The following SP100 variants were observed in gnomAD, a reference collection of about 807,000 sequenced individuals.
The protein encoded by SP100 is SP100 nuclear body protein.
SP100 carries 84 observed loss-of-function variants against 130.0 expected under a neutral mutation model. The observed-to-expected ratio is 0.65, with a 90% CI of 0.54 to 0.77. The LOEUF (loss-of-function observed/expected upper bound fraction) is 0.77, where lower values mean the gene tolerates loss of function less well. SP100 is among the 30% of genes least tolerant of loss of function. The pLI is 0.00. For missense variants in SP100, 978 were observed against 1,052.2 expected, an observed-to-expected ratio of 0.93 and a Z score of 0.97; for synonymous variants, 331 against 351.7, an observed-to-expected ratio of 0.94 and a Z score of 0.66.
At chr2:230,458,106 G>A (rs1278240414) in intron 8 of SP100, among the ~76,000 whole-genome samples, 1 of 147,614 alleles carries the variant, frequency 6.8e-6, no homozygotes, top group Admixed American at 6.7e-5. Flanking sequence ...GACACTGTGG[G>A]AGGTTAGGGG....
Position 230,506,462 on chromosome 2 carries a change from T to C in SP100, c.2013+17T>C, listed in dbSNP as rs776228655. On this transcript the variant is annotated intron_variant, in intron 22 of 28. Coordinates refer to ENST00000340126, the MANE Select transcript of SP100 (RefSeq NM_001080391.2). ...CTGATGGAGGTATTCTAGTGACAGA[T>C]GGCTGAAACCAAGGATTTAGCTGTC... The C allele has an allele frequency of 3.1e-6, 5 of 1,612,296 alleles. No homozygotes were observed. The highest frequency in any genetic ancestry group is 4.2e-6 in the Non-Finnish European group (5 of 1,178,804).
At chr2:230,541,167 C>A in intron 26 of SP100, 134 bp from the exon 27 acceptor site, 1 of 1,209,758 alleles carries the variant, frequency 8.3e-7, no homozygotes, top group Non-Finnish European at 1.2e-6. Flanking sequence ...AAATCCCGGT[C>A]CAAAGAAACT....
chr2:230,445,876 GCTCA>G (rs1273409496), intron 4 of SP100, among the ~76,000 whole-genome samples: 5 of 152,140 alleles, frequency 3.3e-5, no homozygotes, highest in African/African-American at 4.8e-5. Flanking sequence ...CTGCCCTGAG[GCTCA>G]CTGTCACTGA....
rs191908573 is a variant in SP100 at position 230,499,677 on chromosome 2, T to C, written c.1720+1142T>C. Among the ~76,000 whole-genome samples the C allele has an allele frequency of 2.3e-3, 348 of 151,102 alleles. 8 individuals carry two copies. Among genetic ancestry groups the C allele is most frequent in the Admixed American group, 0.02 (299 of 15,122 alleles). ...CATCCACAAGGTCTGCACCAGACCA[T>C]GGGAATCGTGCTTCTTCATTATTCC... On this transcript the variant is annotated intron_variant, in intron 19 of 28. Coordinates refer to ENST00000340126, the MANE Select transcript of SP100 (RefSeq NM_001080391.2).
At chr2:230,537,698 C>A (rs973771250) in intron 24 of SP100, 5 of 152,222 alleles carry the variant, frequency 3.3e-5, no homozygotes, top group African/African-American at 9.6e-5. Context: ...ACCTGGGGAT[C>A]CCCCGCAACC....
intron 11 of SP100, 62 bp downstream of exon 11, chr2:230,464,212 T>G: frequency 6.9e-6 from 7 of 1,016,912 alleles, no homozygotes; most frequent in Non-Finnish European, 1.1e-5. Context: ...TCCAGAGCTC[T>G]GTTTTCTTGA....
intron 5 of SP100, among the ~76,000 whole-genome samples, chr2:230,448,012 T>C (rs1335079137): frequency 6.6e-6 from 1 of 152,224 alleles, no homozygotes; most frequent in Non-Finnish European, 1.5e-5. Context: ...TAACAGAAAG[T>C]GCTCTTTTCA....
chr2:230,517,084 T>C (rs763002416), intron 24 of SP100, among the ~76,000 whole-genome samples: 3 of 152,202 alleles, frequency 2.0e-5, no homozygotes, highest in Non-Finnish European at 4.4e-5. Context: ...TCTAGTATTA[T>C]GTATCATTTG....
chr2:230,436,949 T>TGTGTATACACACAA (rs1328115055), intron 2 of SP100, among the ~76,000 whole-genome samples: 4 of 141,196 alleles, frequency 2.8e-5, no homozygotes, highest in Non-Finnish European at 4.7e-5. Context: ...CACGCATATA[T>TGTGTATACACACAA]GTGTATACAC....
chr2:230,505,332 T>G (rs750769627), intron 21 of SP100, among the ~76,000 whole-genome samples: 2 of 152,206 alleles, frequency 1.3e-5, no homozygotes, highest in African/African-American at 4.8e-5. Context: ...GGGTGGAAAA[T>G]GTACACATCT....
intron 2 of SP100, among the ~76,000 whole-genome samples, chr2:230,441,162 G>C (rs2063453211): frequency 6.6e-6 from 1 of 152,036 alleles, no homozygotes; most frequent in South Asian, 2.1e-4. Flanking sequence ...CCAAAGACTT[G>C]AACAGACACT....
chr2:230,533,512 G>C (rs1429332016), intron 24 of SP100, among the ~76,000 whole-genome samples: 2 of 152,264 alleles, frequency 1.3e-5, no homozygotes, highest in East Asian at 3.9e-4. Flanking sequence ...AAGTTACAGG[G>C]CTTTAACTTC....
rs1214759807 is a variant in SP100 at position 230,541,971 on chromosome 2, C to A, written c.2483C>A (p.Thr828Asn). ...VKTSLNEQMY[T>N]RVEGFVQDMR... ...ACAAGTTTGAATGAGCAGATGTACACCCGAGTAGAAGGGTTTGTGCAGGAC... is the reference window on the plus strand; with the variant it reads ...ACAAGTTTGAATGAGCAGATGTACAACCGAGTAGAAGGGTTTGTGCAGGAC... The change falls in exon 28 of 29, where the codon ACC (threonine) becomes AAC (asparagine). Residue 828 changes from threonine (T) to asparagine (N), a missense_variant. Coordinates refer to ENST00000340126, the MANE Select transcript of SP100 (RefSeq NM_001080391.2). The A allele has an allele frequency of 1.2e-6, 2 of 1,614,062 alleles. No homozygotes were observed. The highest frequency in any genetic ancestry group is 2.2e-5 in the East Asian group (1 of 44,884).
At chr2:230,522,877 C>A (rs1414730562) in intron 24 of SP100, among the ~76,000 whole-genome samples, 1 of 150,862 alleles carries the variant, frequency 6.6e-6, no homozygotes, top group Non-Finnish European at 1.5e-5. Context: ...TGCAGTGGTG[C>A]CATTTCAGCT....
chr2:230,541,122 C>T (rs879747805), intron 26 of SP100, 126 bp downstream of exon 26: 124 of 1,301,212 alleles, frequency 9.5e-5, no homozygotes, highest in Non-Finnish European at 1.2e-4. Context: ...GTGCTTTGCT[C>T]CATGACCTAA....
intron 2 of SP100, among the ~76,000 whole-genome samples, chr2:230,425,532 C>T (rs149511599): frequency 0.011 from 1,533 of 136,002 alleles, 1 homozygote; most frequent in Middle Eastern, 0.02. Flanking sequence ...TTTTGTCCTT[C>T]ATTCTGTTAA....
chr2:230,419,360 G>A (rs2062705327), intron 2 of SP100, among the ~76,000 whole-genome samples: 1 of 152,112 alleles, frequency 6.6e-6, no homozygotes, highest in African/African-American at 2.4e-5. Flanking sequence ...TTTATCCAGG[G>A]TATCCACAGT....
chr2:230,437,409 G>A (rs528877263), intron 2 of SP100, among the ~76,000 whole-genome samples: 1 of 152,118 alleles, frequency 6.6e-6, no homozygotes, highest in South Asian at 2.1e-4. Context: ...AAAATCTTAA[G>A]TAATTTATTT....
chr2:230,446,272 CTAATT>C (rs1184696957), intron 4 of SP100, among the ~76,000 whole-genome samples: 1 of 152,138 alleles, frequency 6.6e-6, no homozygotes, highest in Non-Finnish European at 1.5e-5. Context: ...CCACATCCAG[CTAATT>C]TTATTTTTCT....
Sources: gnomAD v4.1 joint callset for allele counts (sites outside exome capture counted in the v4.1 genomes callset) on GRCh38, gnomAD v4.1.1 for gene constraint, MANE v1.5 for transcripts, NCBI Gene and HGNC (gene_info 2026-07-23, HGNC 2026-07-21) for gene names.